Variants in CTNNA1 observed in about 807,000 individuals in gnomAD.
CTNNA1 encodes catenin alpha-1.
A neutral mutation model predicts 98.4 loss-of-function variants in CTNNA1; 37 were observed. That is an observed-to-expected ratio of 0.38 (90% confidence interval 0.29 to 0.49). The LOEUF is 0.49. Ranked by LOEUF, CTNNA1 falls within the 20% of genes least tolerant of loss-of-function variation. CTNNA1 has a pLI of 0.95. For synonymous variants in CTNNA1, 404 were observed against 413.2 expected (o/e 0.98, Z 0.27); for missense variants, 761 against 1,147.2 (o/e 0.66, Z 4.86).
At chr5:138,790,619 C>T (rs1756248603) in intron 3 of CTNNA1, among the ~76,000 whole-genome samples, 1 of 152,172 alleles carries the variant, frequency 6.6e-6, no homozygotes, top group Admixed American at 6.5e-5. Context: ...AGACATGGCT[C>T]ATTGGGCTGG....
chr5:138,808,051 T>C (rs544326027), intron 3 of CTNNA1, among the ~76,000 whole-genome samples: 1 of 152,166 alleles, frequency 6.6e-6, no homozygotes, highest in Admixed American at 6.5e-5. Context: ...GTGCCCAGCC[T>C]AAGACATTAT....
At chr5:138,904,512 T>C in intron 10 of CTNNA1, 71 bp downstream of exon 10, 5 of 1,550,640 alleles carry the variant, frequency 3.2e-6, no homozygotes, top group Non-Finnish European at 4.4e-6. Flanking sequence ...TGAGGTTTAT[T>C]TTGTTAAGTT....
intron 1 of CTNNA1, among the ~76,000 whole-genome samples, chr5:138,776,739 T>A: frequency 7.4e-6 from 1 of 134,782 alleles, no homozygotes; most frequent in South Asian, 2.6e-4. Context: ...CACTTCCCAG[T>A]AGGGGCGGCC....
rs1253632184 is a variant in CTNNA1 at position 138,891,437 on chromosome 5, TAC to T, written c.1296+3801_1296+3802del. Among the ~76,000 whole-genome samples the T allele has an allele frequency of 1.4e-4, 22 of 152,268 alleles. 1 individual carries two copies. In the South Asian group the frequency reaches 4.6e-3, roughly 32 times the overall value. Reference sequence around the variant, plus strand: ...CTCTCCTGTCCATGTGCTTGCTGATTACACACATGTGAATTAGAAGTACTTTA... The same window carrying T: ...CTCTCCTGTCCATGTGCTTGCTGATTACACATGTGAATTAGAAGTACTTTA... On this transcript the variant is annotated intron_variant, in intron 9 of 17. Coordinates refer to ENST00000302763, the MANE Select transcript of CTNNA1 (RefSeq NM_001903.5).
intron 7 of CTNNA1, among the ~76,000 whole-genome samples, chr5:138,841,953 T>G (rs1376283223): frequency 6.6e-6 from 1 of 152,206 alleles, no homozygotes; most frequent in Non-Finnish European, 1.5e-5. Context: ...GAGAGAGAAT[T>G]ACTGGTTTTA....
intron 1 of CTNNA1, among the ~76,000 whole-genome samples, chr5:138,762,980 A>G (rs1051974748): frequency 3.9e-5 from 6 of 152,064 alleles, no homozygotes; most frequent in African/African-American, 1.4e-4. Context: ...AGTTTTGACT[A>G]TTTGATTCCA....
chr5:138,896,530 T>C (rs1159418959), intron 9 of CTNNA1, among the ~76,000 whole-genome samples: 2 of 152,208 alleles, frequency 1.3e-5, no homozygotes, highest in Non-Finnish European at 2.9e-5. Flanking sequence ...TGCATGGTAT[T>C]GAAGCCACTT....
chr5:138,783,356 A>T lies in CTNNA1; in HGVS notation c.285A>T (p.Glu95Asp), dbSNP rs1580984812. ...AGGAGGAGCTTGTGGCTGCTGTAGA[A>T]GATGTTCGAAAACAAGGTAGGTCAT... ...FLKEELVAAV[E>D]DVRKQGDLMK... The change falls in exon 3 of 18, where the codon GAA (glutamate) becomes GAT (aspartate). Residue 95 changes from glutamate to aspartate, a missense_variant. Glu to Asp is a conservative substitution (Grantham distance 45, BLOSUM62 2). Transcript: ENST00000302763. 1 of 1,613,494 alleles carries T rather than the reference A, an allele frequency of 6.2e-7. No homozygotes were observed. The highest frequency in any genetic ancestry group is 8.5e-7 in the Non-Finnish European group (1 of 1,179,596).
intron 10 of CTNNA1, among the ~76,000 whole-genome samples, chr5:138,908,073 G>T (rs894109791): frequency 1.3e-5 from 2 of 151,980 alleles, no homozygotes; most frequent in Non-Finnish European, 2.9e-5. Flanking sequence ...CGCCTCCAGG[G>T]TTCAAGCAAT....
chr5:138,840,617 T>G (rs996728412), intron 7 of CTNNA1, among the ~76,000 whole-genome samples: 4 of 151,982 alleles, frequency 2.6e-5, no homozygotes, highest in Non-Finnish European at 2.9e-5. Context: ...TGTAGCCAAT[T>G]AATAGTTGTG....
At chr5:138,845,737 T>C (rs1452032368) in intron 7 of CTNNA1, among the ~76,000 whole-genome samples, 4 of 152,124 alleles carry the variant, frequency 2.6e-5, no homozygotes, top group Non-Finnish European at 5.9e-5. Context: ...TTAGACTGAA[T>C]TTCTACTAAA....
chr5:138,831,189 G>A lies in CTNNA1; in HGVS notation c.1062+3471G>A, dbSNP rs1244722106. On this transcript the variant is annotated intron_variant, in intron 7 of 17. Coordinates refer to ENST00000302763, the MANE Select transcript of CTNNA1 (RefSeq NM_001903.5). ...CATTCGTAAAGTGTCTTCTTTCTTC[G>A]TTTTGTGTTGCTTATTACCAGGTTC... is the stretch of plus-strand genomic sequence containing the variant. Among the ~76,000 whole-genome samples, 9 of 152,024 alleles carry A rather than the reference G, an allele frequency of 5.9e-5. No individual in the cohort carries two copies. In the East Asian group the frequency reaches 1.2e-3, roughly 19 times the overall value.
At chr5:138,774,170 A>G (rs1165548371) in intron 1 of CTNNA1, among the ~76,000 whole-genome samples, 1 of 152,028 alleles carries the variant, frequency 6.6e-6, no homozygotes, top group African/African-American at 2.4e-5. Context: ...GGCATGAGCT[A>G]CTGCGCCTGG....
intron 1 of CTNNA1, among the ~76,000 whole-genome samples, chr5:138,776,605 T>A (rs1359816937): frequency 5.3e-5 from 8 of 152,078 alleles, no homozygotes; most frequent in South Asian, 4.2e-4. Context: ...GGTTCCTCAC[T>A]TCCCAGTAGG....
chr5:138,768,322 C>G (rs825676), intron 1 of CTNNA1, among the ~76,000 whole-genome samples: 4,611 of 151,956 alleles, frequency 0.03, 116 homozygotes, highest in Non-Finnish European at 0.047. Context: ...TGCAGTGGTG[C>G]GATCTCGGCT....
Position 138,782,803 on chromosome 5 carries a change from G to A in CTNNA1, c.106-374G>A, listed in dbSNP as rs373802485. Among the ~76,000 whole-genome samples, 36 of 152,296 alleles carry A rather than the reference G, an allele frequency of 2.4e-4. No homozygotes were observed. The South Asian group carries it at 6.6e-3, about 28-fold the overall frequency. On this transcript the variant is annotated intron_variant, in intron 2 of 17. Coordinates refer to ENST00000302763, the MANE Select transcript of CTNNA1 (RefSeq NM_001903.5). ...TGTTTTGCAAAGTTTGAAAACAGTG[G>A]CAGTGTGATCTCCAGATAAAGCTAA...
intron 3 of CTNNA1, among the ~76,000 whole-genome samples, chr5:138,792,794 T>A (rs1756521644): frequency 6.6e-6 from 1 of 152,232 alleles, no homozygotes; most frequent in Non-Finnish European, 1.5e-5. Context: ...GAGCAGTAGC[T>A]GGGAAACATT....
intron 4 of CTNNA1, among the ~76,000 whole-genome samples, chr5:138,810,523 A>G (rs1241728327): frequency 6.6e-6 from 1 of 152,164 alleles, no homozygotes; most frequent in Non-Finnish European, 1.5e-5. Flanking sequence ...GATACATTAA[A>G]TTTTGTACTT....
At chr5:138,869,318 C>G (rs1581359296) in intron 7 of CTNNA1, 3 of 151,488 alleles carry the variant, frequency 2.0e-5, no homozygotes, top group Admixed American at 6.6e-5. Context: ...TGAGTTTGCC[C>G]CAGGTTAGAT....
Sources: allele counts gnomAD v4.1 joint callset (sites outside exome capture counted in the v4.1 genomes callset), GRCh38; gene constraint gnomAD v4.1.1; transcripts MANE v1.5; gene names NCBI Gene and HGNC (gene_info 2026-07-23, HGNC 2026-07-21).